The following CACNG4 variants were observed in gnomAD, a reference collection of about 807,000 sequenced individuals.
The protein encoded by CACNG4 is voltage-dependent calcium channel gamma-4 subunit.
CACNG4 carries 8 observed loss-of-function variants against 22.9 expected under a neutral mutation model. That is an observed-to-expected ratio of 0.35 (90% CI 0.21 to 0.63). The LOEUF is 0.63. Among genes scored for constraint, CACNG4 ranks in the 30% least tolerant of loss-of-function variants. The pLI is 0.72. For missense variants in CACNG4, 357 were observed against 455.4 expected (o/e 0.78, Z 1.97); for synonymous variants, 188 against 191.9 (o/e 0.98, Z 0.17).
At chr17:66,976,900 C>T (rs912793208) in intron 1 of CACNG4, among the ~76,000 whole-genome samples, 7 of 152,196 alleles carry the variant, frequency 4.6e-5, no homozygotes, top group African/African-American at 1.7e-4. Context: ...GCTTGGACAG[C>T]ACCGCCCCCT....
chr17:67,017,541 C>G (rs903313948), intron 1 of CACNG4, among the ~76,000 whole-genome samples: 15 of 151,258 alleles, frequency 9.9e-5, no homozygotes, highest in African/African-American at 3.4e-4. Flanking sequence ...TTGTTTGAGA[C>G]AGAGTCTTGC....
rs1229097103 is a variant in CACNG4, at chr17:66,984,267, G to A, written c.220+19136G>A. Among the ~76,000 whole-genome samples the A allele has an allele frequency of 2.0e-5, 3 of 152,186 alleles. No homozygotes were observed. Among genetic ancestry groups the A allele is most frequent in the East Asian group, 3.9e-4 (2 of 5,192 alleles). ...ATGGTGGTGCACACCTTTAGCCCTA[G>A]CTACACAGGAGGCTGAGGTGGGAGG... On this transcript the variant is annotated intron_variant, in intron 1 of 3. Coordinates refer to ENST00000262138, the MANE Select transcript of CACNG4 (RefSeq NM_014405.4). This position sits in a 1 kb window ranked among gnomAD's most constrained non-coding sequence, Gnocchi z 4.0.
At chr17:67,001,179 T>C (rs1056277286) in intron 1 of CACNG4, among the ~76,000 whole-genome samples, 1 of 152,198 alleles carries the variant, frequency 6.6e-6, no homozygotes, top group Non-Finnish European at 1.5e-5. Flanking sequence ...GATGTGCCTT[T>C]GCTCCTCCTT....
chr17:66,990,267 G>A (rs1312930894), intron 1 of CACNG4, among the ~76,000 whole-genome samples: 1 of 152,192 alleles, frequency 6.6e-6, no homozygotes, highest in Non-Finnish European at 1.5e-5. Flanking sequence ...CAGCTCCTGG[G>A]AACTACCCAC....
Position 67,024,849 on chromosome 17 carries a change from TC to T in CACNG4, c.305-7del. 6.5e-7 allele frequency: 1 copy of T among 1,528,138 alleles called. No individual in the cohort carries two copies. The allele number at this position is 1,528,138 out of a possible 1,614,324, so 94.7% of individuals were successfully genotyped here. A position where few individuals can be genotyped will look rare whatever the true frequency, so the allele number is the denominator to read the frequency against. ...TGCCCTCTGCTTTGTGCCCCCCACC[TC>T]CCCGGCCAGGCATCGTGCGAGCCTC... On this transcript the variant is annotated splice_polypyrimidine_tract_variant and intron_variant, in intron 2 of 3. Transcript: ENST00000262138.
At chr17:66,972,360 G>T (rs57260959) in intron 1 of CACNG4, among the ~76,000 whole-genome samples, 2 of 152,286 alleles carry the variant, frequency 1.3e-5, no homozygotes, top group East Asian at 3.9e-4. Flanking sequence ...ACTGGGGCCG[G>T]ATCCTCTGTC....
chr17:66,975,925 T>C (rs745402823), intron 1 of CACNG4, among the ~76,000 whole-genome samples: 5 of 152,218 alleles, frequency 3.3e-5, no homozygotes, highest in Non-Finnish European at 7.4e-5. Flanking sequence ...ACAGTGACTT[T>C]GCCAAGTGCC....
chr17:66,965,185 C>CAT, intron 1 of CACNG4, 54 bp downstream of exon 1: 3 of 968,600 alleles, frequency 3.1e-6, no homozygotes, highest in Non-Finnish European at 4.3e-6. Flanking sequence ...CACACACACA[C>CAT]ATATACACAC....
intron 3 of CACNG4, among the ~76,000 whole-genome samples, chr17:67,029,491 G>A (rs1332988351): frequency 6.6e-6 from 1 of 151,272 alleles, no homozygotes; most frequent in Admixed American, 6.6e-5. Context: ...AAAATTGGCT[G>A]GGTGTGGTGG....
At chr17:66,978,853 C>T (rs2035254025) in intron 1 of CACNG4, among the ~76,000 whole-genome samples, 1 of 152,234 alleles carries the variant, frequency 6.6e-6, no homozygotes, top group Admixed American at 6.5e-5. Context: ...TGTCTTTCTG[C>T]CTGCGGATTC....
intron 1 of CACNG4, among the ~76,000 whole-genome samples, chr17:66,967,243 C>T (rs2035176252): frequency 1.3e-5 from 2 of 152,216 alleles, no homozygotes; most frequent in African/African-American, 4.8e-5. Context: ...GGGCAGCTGG[C>T]TCCACTAGCA....
intron 1 of CACNG4, among the ~76,000 whole-genome samples, chr17:67,012,605 C>T (rs1378055567): frequency 6.6e-6 from 1 of 152,208 alleles, no homozygotes; most frequent in Non-Finnish European, 1.5e-5. Context: ...CAGCTCCCAT[C>T]CCGTCCTCCA....
rs191947711 is a variant in CACNG4 at position 67,028,607 on chromosome 17, G to A, written c.446-1859G>A. On this transcript the variant is annotated intron_variant, in intron 3 of 3. Coordinates refer to ENST00000262138, the MANE Select transcript of CACNG4 (RefSeq NM_014405.4). Reference sequence around the variant, plus strand: ...CGCAATGGATGGTAATTGAACTTACGTCAGGCGCCCTGTGTGCTGGGTGCT... The same window carrying A: ...CGCAATGGATGGTAATTGAACTTACATCAGGCGCCCTGTGTGCTGGGTGCT... 5.0e-3 allele frequency among the ~76,000 whole-genome samples: 754 copies of A among 152,204 alleles called. 2 individuals carry two copies. Among genetic ancestry groups the A allele is most frequent in the Non-Finnish European group, 8.6e-3 (582 of 68,016 alleles).
chr17:67,032,671 G>A lies in CACNG4; in HGVS notation c.*1667G>A, dbSNP rs2035615575. 6.5e-6 allele frequency: 1 copy of A among 154,374 alleles called. No homozygotes were observed. Among genetic ancestry groups the A allele is most frequent in the Non-Finnish European group, 1.4e-5 (1 of 69,530 alleles). 9.6% of individuals were successfully genotyped at this position (154,374 alleles called of 1,614,324 possible). A position where few individuals can be genotyped will look rare whatever the true frequency, so the allele number is the denominator to read the frequency against. On this transcript the variant is annotated 3_prime_UTR_variant, in exon 4 of 4. Coordinates refer to ENST00000262138, the MANE Select transcript of CACNG4 (RefSeq NM_014405.4). ...GCCGTGTGCTGGGGATCTGAAATGA[G>A]GCCTGCCAGGGCCCCTGTGTGCTGT...
chr17:66,968,964 A>C (rs2143268731), intron 1 of CACNG4, among the ~76,000 whole-genome samples: 1 of 151,552 alleles, frequency 6.6e-6, no homozygotes, highest in South Asian at 2.1e-4. Flanking sequence ...GCCTTCTGAG[A>C]CACTCACCTC....
At position 67,027,586 on chromosome 17, in the gene CACNG4, A is replaced by G. The variant is rs1220580195; in HGVS notation, c.445+2586A>G. Reference sequence around the variant, plus strand: ...GAGAGGGACAGTTTCCAAGGCTGGGAAAGTCAGAAGAAGACACAAGACTTC... The same window carrying G: ...GAGAGGGACAGTTTCCAAGGCTGGGGAAGTCAGAAGAAGACACAAGACTTC... On this transcript the variant is annotated intron_variant, in intron 3 of 3. Coordinates refer to ENST00000262138, the MANE Select transcript of CACNG4 (RefSeq NM_014405.4). This position sits in a 1 kb window ranked among gnomAD's most constrained non-coding sequence, Gnocchi z 4.3. Among the ~76,000 whole-genome samples the G allele has an allele frequency of 6.6e-6, 1 of 152,204 alleles. No homozygotes were observed. Among genetic ancestry groups the G allele is most frequent in the African/African-American group, 2.4e-5 (1 of 41,454 alleles).
At chr17:67,006,674 T>C (rs1199699336) in intron 1 of CACNG4, among the ~76,000 whole-genome samples, 1 of 152,126 alleles carries the variant, frequency 6.6e-6, no homozygotes, top group Non-Finnish European at 1.5e-5. Flanking sequence ...GGCTCTCTTG[T>C]TCTAGTTACT....
rs536949053 is a variant in CACNG4, at chr17:66,997,689, C to T, written c.221-20500C>T. On this transcript the variant is annotated intron_variant, in intron 1 of 3. Transcript: ENST00000262138. ...AAAATTAGCTGGGCGTGGTAGCACA[C>T]GGCTGTAATCCCAGCTATGCAGGAA... is the stretch of plus-strand genomic sequence containing the variant. Among the ~76,000 whole-genome samples, 8 of 152,212 alleles carry T rather than the reference C, an allele frequency of 5.3e-5. No homozygotes were observed. The South Asian group carries it at 6.2e-4, about 12-fold the overall frequency.
At chr17:66,974,872 A>C (rs995244383) in intron 1 of CACNG4, among the ~76,000 whole-genome samples, 3 of 152,018 alleles carry the variant, frequency 2.0e-5, no homozygotes, top group African/African-American at 7.2e-5. Flanking sequence ...TCCACGTGGA[A>C]GCCGCCGCAT....
Sources: gnomAD v4.1 joint callset for allele counts (sites outside exome capture counted in the v4.1 genomes callset) on GRCh38, gnomAD v4.1.1 for gene constraint, Gnocchi (gnomAD v3.1) non-coding constraint, MANE v1.5 for transcripts, NCBI Gene and HGNC (gene_info 2026-07-23, HGNC 2026-07-21) for gene names.